The following SPDYE4 variants were observed in gnomAD, a reference collection of about 807,000 sequenced individuals.
SPDYE4 encodes speedy protein E4.
A neutral mutation model predicts 37.5 loss-of-function variants in SPDYE4; 30 were observed. The ratio of observed to expected loss-of-function variants is 0.80; its 90% CI spans 0.60 to 1.09. The LOEUF (loss-of-function observed/expected upper bound fraction) is 1.09, where lower values mean the gene tolerates loss of function less well. Ranked by LOEUF, SPDYE4 falls within the 50% of genes least tolerant of loss-of-function variation. SPDYE4 has a pLI of 0.00. For missense variants in SPDYE4, 300 were observed against 307.9 expected (o/e 0.97, Z 0.19); for synonymous variants, 131 against 120.3 (o/e 1.09, Z -0.58).
In SPDYE4 at chr17:8,753,156, A is replaced by T; in HGVS notation, c.696T>A (p.Asp232Glu). The change falls in exon 6 of 7, where the codon GAT becomes GAA. Residue 232 changes from aspartate to glutamate, a missense_variant. Physicochemically the swap from Asp to Glu is conservative, Grantham distance 45 (BLOSUM62 2). Coordinates refer to ENST00000689094, the MANE Select transcript of SPDYE4 (RefSeq NM_001394956.1). The part of the protein sequence containing the change: ...YDPEHWVWAR[D>E]RTLIS ...CGGAGCTCTAGGAAATGAGGGTGCG[A>T]TCTCGGGCCCACACCCAGTGCTCTG... The T allele has an allele frequency of 6.2e-7, 1 of 1,613,890 alleles. No homozygotes were observed. Among genetic ancestry groups the T allele is most frequent in the South Asian group, 1.1e-5 (1 of 91,060 alleles).
chr17:8,755,300 G>C (rs927512894), intron 4 of SPDYE4: 48 of 572,150 alleles, frequency 8.4e-5, no homozygotes, highest in Non-Finnish European at 1.2e-4. Context: ...CTTAGGACGG[G>C]TTTATGTTTC....
downstream of SPDYE4, among the ~76,000 whole-genome samples, chr17:8,749,039 G>A (rs1462664743): frequency 3.9e-5 from 6 of 152,218 alleles, no homozygotes; most frequent in East Asian, 1.2e-3. Context: ...TGTTTACCCT[G>A]TGACTACATC....
At chr17:8,752,554 C>T (rs1567540769) in intron 6 of SPDYE4, among the ~76,000 whole-genome samples, 1 of 152,022 alleles carries the variant, frequency 6.6e-6, no homozygotes, top group African/African-American at 2.4e-5. Flanking sequence ...CTTCATCACA[C>T]TTGGGGCCCT....
At chr17:8,756,125 G>A (rs554322681) in intron 3 of SPDYE4, among the ~76,000 whole-genome samples, 122 of 152,250 alleles carry the variant, frequency 8.0e-4, no homozygotes, top group Middle Eastern at 3.4e-3. Flanking sequence ...AGGCCGAGGC[G>A]GGAGGATCAC....
rs888118045 is a variant in SPDYE4 at position 8,753,449 on chromosome 17, T to G, written c.526A>C (p.Lys176Gln). ...SDMEEDNQAPKQDIFSFLYGK... is the reference protein window; with the variant it reads ...SDMEEDNQAPQQDIFSFLYGK... The stretch of plus-strand genomic sequence containing the variant: ...TAGAGGAAGGAGAAGATGTCTTGTT[T>G]CGGGGCCTGGTTGTCCTCCTCCATG... Residue 176 changes from lysine to glutamine, a missense_variant, in exon 5 of 7, where the codon AAA (lysine) becomes CAA (glutamine). By Grantham distance (53) the Lys-to-Gln change is moderately conservative (BLOSUM62 1). Transcript: ENST00000689094. The G allele has an allele frequency of 1.2e-6, 2 of 1,612,996 alleles. No individual in the cohort carries two copies. The highest frequency in any genetic ancestry group is 2.7e-5 in the African/African-American group (2 of 74,892).
At position 8,758,292 on chromosome 17, in the gene SPDYE4, C is replaced by T. The variant is rs192464033; in HGVS notation, c.91G>A (p.Glu31Lys). Residue 31 changes from glutamate to lysine, a missense_variant, in exon 1 of 7, where the codon GAA becomes AAA. By Grantham distance (56) the Glu-to-Lys change is moderately conservative (BLOSUM62 1). Coordinates refer to ENST00000689094, the MANE Select transcript of SPDYE4 (RefSeq NM_001394956.1). The stretch of plus-strand genomic sequence containing the variant: ...ACCTCACCTGATGGTCCTGGCACTT[C>T]ATCATCCACCACCACCTCGGGGGAC... ...VRSPEVVVDD[E>K]VPGPSAPWID... is the part of the protein sequence containing the mutation. 1,922 of 1,547,394 alleles carry T rather than the reference C, an allele frequency of 1.2e-3. 1 individual carries two copies. The highest frequency in any genetic ancestry group is 1.5e-3 in the Non-Finnish European group (1,698 of 1,145,016).
At chr17:8,755,069 C>T (rs578113375) in intron 4 of SPDYE4, among the ~76,000 whole-genome samples, 2 of 152,186 alleles carry the variant, frequency 1.3e-5, no homozygotes, top group Non-Finnish European at 2.9e-5. Flanking sequence ...CTAGGAAGCC[C>T]CCTGGCTTGG....
At chr17:8,750,691 CAG>C (rs2086722199), downstream of SPDYE4, among the ~76,000 whole-genome samples, 1 of 151,394 alleles carries the variant, frequency 6.6e-6, no homozygotes, top group Non-Finnish European at 1.5e-5. Context: ...GCCTGGGTGA[CAG>C]AGCAAGACTC....
At chr17:8,752,264 C>T (rs2086733660) in intron 6 of SPDYE4, among the ~76,000 whole-genome samples, 27 bp from the exon 7 acceptor site, 1 of 152,210 alleles carries the variant, frequency 6.6e-6, no homozygotes, top group African/African-American at 2.4e-5. Flanking sequence ...GGATGTCACA[C>T]TTCAAGGAGG....
chr17:8,757,489 G>A lies in SPDYE4; in HGVS notation c.113C>T (p.Pro38Leu), dbSNP rs1336354012. 6.2e-7 allele frequency: 1 copy of A among 1,609,308 alleles called. No individual in the cohort carries two copies. Among genetic ancestry groups the A allele is most frequent in the Admixed American group, 1.7e-5 (1 of 59,178 alleles). ...VDDEVPGPSA[P>L]WIDPSPQPQS... Reference sequence around the variant, plus strand: ...AGGCTGGGGGCTGGGATCTATCCAAGGGGCTGAGTGAAGAAACCAGGCCAT... The same window carrying A: ...AGGCTGGGGGCTGGGATCTATCCAAAGGGCTGAGTGAAGAAACCAGGCCAT... The change falls in exon 2 of 7, where the codon CCT becomes CTT. Residue 38 changes from proline (P) to leucine (L), a missense_variant. By Grantham distance (98) the Pro-to-Leu change is moderately conservative. Coordinates refer to ENST00000689094, the MANE Select transcript of SPDYE4 (RefSeq NM_001394956.1).
downstream of SPDYE4, among the ~76,000 whole-genome samples, chr17:8,747,846 T>C (rs2086700927): frequency 6.6e-6 from 1 of 152,252 alleles, no homozygotes; most frequent in Non-Finnish European, 1.5e-5. Context: ...GTTTTCATGC[T>C]GCTGATAAAG....
intron 1 of SPDYE4, among the ~76,000 whole-genome samples, chr17:8,757,794 T>C (rs2086786817): frequency 6.6e-6 from 1 of 151,698 alleles, no homozygotes; most frequent in Non-Finnish European, 1.5e-5. Flanking sequence ...TCTTTTTTTT[T>C]TTTTTGAGAT....
rs910399231 is a variant in SPDYE4, at chr17:8,751,901, G to A, written c.*381C>T. Among the ~76,000 whole-genome samples, 2 of 152,188 alleles carry A rather than the reference G, an allele frequency of 1.3e-5. No individual in the cohort carries two copies. Among genetic ancestry groups the A allele is most frequent in the Admixed American group, 6.5e-5 (1 of 15,284 alleles). On this transcript the variant is annotated 3_prime_UTR_variant, in exon 7 of 7. Transcript: ENST00000689094. ...GAGTGCCTGCGCTGTGCCTTCAAAT[G>A]CTCTGGACTGTGGCAACCAAGTCCA... is the stretch of plus-strand genomic sequence containing the variant.
chr17:8,751,704 A>G lies in SPDYE4; in HGVS notation c.*578T>C, dbSNP rs2151144131. Reference sequence around the variant, plus strand: ...ACAACCGTCAGAGAACTCTATAGGAACAGCATGTTTTCAAAACTACAAAAA... The same window carrying G: ...ACAACCGTCAGAGAACTCTATAGGAGCAGCATGTTTTCAAAACTACAAAAA... On this transcript the variant is annotated 3_prime_UTR_variant, in exon 7 of 7. Transcript: ENST00000689094. 6.6e-6 allele frequency among the ~76,000 whole-genome samples: 1 copy of G among 152,380 alleles called. No homozygotes were observed. The highest frequency in any genetic ancestry group is 2.1e-4 in the South Asian group (1 of 4,830).
chr17:8,751,886 G>A lies in SPDYE4; in HGVS notation c.*396C>T, dbSNP rs187872595. On this transcript the variant is annotated 3_prime_UTR_variant, in exon 7 of 7. Transcript: ENST00000689094. Reference sequence around the variant, plus strand: ...ATTCCGTAACAATCTGAGTGCCTGCGCTGTGCCTTCAAATGCTCTGGACTG... The same window carrying A: ...ATTCCGTAACAATCTGAGTGCCTGCACTGTGCCTTCAAATGCTCTGGACTG... Among the ~76,000 whole-genome samples, 80 of 152,238 alleles carry A rather than the reference G, an allele frequency of 5.3e-4. No individual in the cohort carries two copies. The East Asian group carries it at 0.014, about 26-fold the overall frequency.
rs1008262493 is a variant in SPDYE4 at position 8,751,592 on chromosome 17, T to C, written c.*690A>G. 1.3e-5 allele frequency among the ~76,000 whole-genome samples: 2 copies of C among 152,062 alleles called. No individual in the cohort carries two copies. The highest frequency in any genetic ancestry group is 4.8e-5 in the African/African-American group (2 of 41,408). On this transcript the variant is annotated 3_prime_UTR_variant, in exon 7 of 7. Coordinates refer to ENST00000689094, the MANE Select transcript of SPDYE4 (RefSeq NM_001394956.1). ...CTCGCTTCAGGAGCACATTTAATAA[T>C]AGATAAAACGATTTAAAGAGAAAAC...
intron 4 of SPDYE4, 44 bp from the exon 5 acceptor site, chr17:8,753,533 G>C (rs56985159): frequency 2.2e-5 from 36 of 1,604,778 alleles, no homozygotes; most frequent in Non-Finnish European, 3.1e-5. Flanking sequence ...CCCACCAGGA[G>C]GGACCCCTGC....
chr17:8,758,473 G>GAAACGCACTCTTC lies in SPDYE4; in HGVS notation c.-92_-91insGAAGAGTGCGTTT. The GAAACGCACTCTTC allele has an allele frequency of 8.1e-7, 1 of 1,234,208 alleles. No homozygotes were observed. Among genetic ancestry groups the GAAACGCACTCTTC allele is most frequent in the Non-Finnish European group, 1.2e-6 (1 of 862,962 alleles). 76.5% of individuals were successfully genotyped at this position (1,234,208 alleles called of 1,614,324 possible). ...CCAGACTCCGTTAGGACCCAGAAGA[G>GAAACGCACTCTTC]TGCGTTTCTCTTCTAGAGGCTCGGG... is the stretch of plus-strand genomic sequence containing the variant. On this transcript the variant is annotated 5_prime_UTR_variant, in exon 1 of 7. Transcript: ENST00000689094.
chr17:8,749,937 C>T (rs547535274), downstream of SPDYE4, among the ~76,000 whole-genome samples: 1 of 152,296 alleles, frequency 6.6e-6, no homozygotes, highest in Admixed American at 6.5e-5. Context: ...GCATTCTAGG[C>T]TCAGCCATGC....
Sources: allele counts gnomAD v4.1 joint callset (sites outside exome capture counted in the v4.1 genomes callset), GRCh38; gene constraint gnomAD v4.1.1; transcripts MANE v1.5; gene names NCBI Gene and HGNC (gene_info 2026-07-23, HGNC 2026-07-21).